The following DLGAP4 variants were observed in gnomAD, a reference collection of about 807,000 sequenced individuals.
DLGAP4 encodes the protein disks large-associated protein 4.
In DLGAP4, 18 loss-of-function variants were observed where a neutral mutation model predicts 86.9. That is an observed-to-expected ratio of 0.21 (90% CI 0.14 to 0.31). The LOEUF is 0.31. Ranked by LOEUF, DLGAP4 falls within the 10% of genes least tolerant of loss-of-function variation. DLGAP4 has a pLI of 1.00. For missense variants in DLGAP4, 1,085 were observed against 1,362.6 expected (o/e 0.80, Z 3.21); for synonymous variants, 548 against 574.3 (o/e 0.95, Z 0.65).
At chr20:36,382,394 G>A (rs540157950) in intron 2 of DLGAP4, among the ~76,000 whole-genome samples, 2 of 151,824 alleles carry the variant, frequency 1.3e-5, no homozygotes, top group African/African-American at 4.8e-5. Flanking sequence ...AGGGGGTGGG[G>A]GTGGAGGGGC....
intron 2 of DLGAP4, among the ~76,000 whole-genome samples, chr20:36,419,317 A>T (rs1451099310): frequency 2.0e-5 from 3 of 151,474 alleles, no homozygotes; most frequent in Non-Finnish European, 4.4e-5. Flanking sequence ...TTTTGTAGAG[A>T]TGGGGTCCTC....
At chr20:36,321,590 C>T (rs534827577) in intron 1 of DLGAP4, among the ~76,000 whole-genome samples, 272 of 152,358 alleles carry the variant, frequency 1.8e-3, no homozygotes, top group African/African-American at 6.3e-3. Context: ...CGCCTCAGCG[C>T]GTTTCATCTG....
intron 7 of DLGAP4, among the ~76,000 whole-genome samples, chr20:36,474,883 T>C (rs974317213): frequency 2.0e-5 from 3 of 152,160 alleles, no homozygotes; most frequent in African/African-American, 4.8e-5. Flanking sequence ...GGGAACAAGA[T>C]TGACTTCCCT....
rs1555889649 is a variant in DLGAP4 at position 36,308,171 on chromosome 20, G to T, written c.-304+1659G>T. On this transcript the variant is annotated intron_variant, in intron 1 of 12. Coordinates refer to ENST00000339266, the MANE Select transcript of DLGAP4 (RefSeq NM_001365621.2). The surrounding 1 kb of genome is among the most constrained non-coding windows in gnomAD (Gnocchi z 4.5). ...CCCGCTGTGGCAGGGGTAGGCCAGG[G>T]ATCCTGTGTCCTCCAGGAGCTGGGA... Among the ~76,000 whole-genome samples, 1 of 152,200 alleles carries T rather than the reference G, an allele frequency of 6.6e-6. No individual in the cohort carries two copies. Among genetic ancestry groups the T allele is most frequent in the Non-Finnish European group, 1.5e-5 (1 of 68,032 alleles).
Position 36,442,711 on chromosome 20 carries a change from C to G in DLGAP4, c.1357-16C>G, listed in dbSNP as rs1309053122. On this transcript the variant is annotated splice_polypyrimidine_tract_variant and intron_variant, in intron 5 of 12. Coordinates refer to ENST00000339266, the MANE Select transcript of DLGAP4 (RefSeq NM_001365621.2). ...GCCCTGGTCCTTCCATAACCCTCAC[C>G]CTCTCTTTCCTGCAGATTTTTGGAC... 6.2e-7 allele frequency: 1 copy of G among 1,614,068 alleles called. No homozygotes were observed. Among genetic ancestry groups the G allele is most frequent in the Non-Finnish European group, 8.5e-7 (1 of 1,180,028 alleles).
intron 7 of DLGAP4, among the ~76,000 whole-genome samples, chr20:36,448,042 C>CA (rs59129162): frequency 6.1e-4 from 85 of 139,146 alleles, no homozygotes; most frequent in Middle Eastern, 7.5e-3. Flanking sequence ...TTAAGATGGT[C>CA]AAAAAAAAAA....
At chr20:36,320,051 C>T in intron 1 of DLGAP4, among the ~76,000 whole-genome samples, 1 of 150,918 alleles carries the variant, frequency 6.6e-6, no homozygotes, top group South Asian at 2.1e-4. Context: ...CCCTCTGTGT[C>T]CCTCTCCTCC....
At chr20:36,491,937 G>A (rs1569517849) in intron 7 of DLGAP4, among the ~76,000 whole-genome samples, 1 of 152,240 alleles carries the variant, frequency 6.6e-6, no homozygotes, top group East Asian at 1.9e-4. Flanking sequence ...CCCCAGGCCT[G>A]TAGCTGTCAG....
chr20:36,461,477 C>G (rs1306862163), intron 7 of DLGAP4: 1 of 981,878 alleles, frequency 1.0e-6, no homozygotes, highest in Non-Finnish European at 1.2e-6. Flanking sequence ...CGTACAAAAC[C>G]GGAGCCTCGG....
At chr20:36,335,649 T>G (rs573908213) in intron 1 of DLGAP4, among the ~76,000 whole-genome samples, 1 of 152,304 alleles carries the variant, frequency 6.6e-6, no homozygotes, top group African/African-American at 2.4e-5. Flanking sequence ...TGCCTTCTCC[T>G]CCCCTTCTTC....
At position 36,432,397 on chromosome 20, in the gene DLGAP4, T is replaced by G. The variant is rs752322368; in HGVS notation, c.680T>G (p.Leu227Arg). The G allele has an allele frequency of 1.2e-6, 2 of 1,613,714 alleles. No individual in the cohort carries two copies. Among genetic ancestry groups the G allele is most frequent in the Non-Finnish European group, 1.7e-6 (2 of 1,180,032 alleles). ...AFRSSGPASG[L>R]MTLGRQAERS... ...CGCAGCAGTGGCCCAGCCTCTGGGC[T>G]GATGACACTAGGCCGCCAGGCAGAA... Residue 227 changes from leucine to arginine, a missense_variant, in exon 3 of 13, where the codon CTG becomes CGG. Leu to Arg is a moderately radical substitution (Grantham distance 102). Around this residue, in one of 2 missense-constraint regions of DLGAP4, gnomAD observed 1,082 missense variants for 1,344.1 expected, o/e 0.81. Coordinates refer to ENST00000339266, the MANE Select transcript of DLGAP4 (RefSeq NM_001365621.2). The surrounding 1 kb of genome is among the most constrained non-coding windows in gnomAD (Gnocchi z 6.5).
chr20:36,501,815 G>A (rs796367707), intron 10 of DLGAP4, among the ~76,000 whole-genome samples: 6 of 152,306 alleles, frequency 3.9e-5, no homozygotes, highest in African/African-American at 1.2e-4. Context: ...CCAGTTCCCC[G>A]CTTTGATGTC....
At chr20:36,473,623 G>A (rs551584769) in intron 7 of DLGAP4, among the ~76,000 whole-genome samples, 1 of 152,272 alleles carries the variant, frequency 6.6e-6, no homozygotes, top group South Asian at 2.1e-4. Flanking sequence ...GACCAAATAT[G>A]ATTTTTTAAA....
rs148100506 is a variant in DLGAP4, at chr20:36,387,967, G to C, written c.-73+20692G>C. Among the ~76,000 whole-genome samples the C allele has an allele frequency of 2.0e-3, 307 of 152,274 alleles. 1 individual carries two copies. Among genetic ancestry groups the C allele is most frequent in the African/African-American group, 6.8e-3 (284 of 41,550 alleles). On this transcript the variant is annotated intron_variant, in intron 2 of 12. Transcript: ENST00000339266. ...CAACAATCCTTCCTTGGGTGGGACT[G>C]TCCTGCTCATTATAAGTTCTTGAGC...
intron 1 of DLGAP4, among the ~76,000 whole-genome samples, chr20:36,315,804 C>T (rs938685963): frequency 7.2e-5 from 11 of 152,136 alleles, no homozygotes; most frequent in African/African-American, 1.2e-4. Context: ...CAAGCCTTCC[C>T]GGCACTGGCA....
chr20:36,472,443 T>A (rs1161739842), intron 7 of DLGAP4, among the ~76,000 whole-genome samples: 1 of 148,602 alleles, frequency 6.7e-6, no homozygotes, highest in Non-Finnish European at 1.5e-5. Flanking sequence ...GTCAAGGCTG[T>A]AGTGAGCTGT....
At chr20:36,395,553 C>G (rs1322325134) in intron 2 of DLGAP4, among the ~76,000 whole-genome samples, 1 of 152,078 alleles carries the variant, frequency 6.6e-6, no homozygotes, top group Non-Finnish European at 1.5e-5. Flanking sequence ...GGCTGGAGTG[C>G]AGTGGCGCAA....
intron 11 of DLGAP4, among the ~76,000 whole-genome samples, chr20:36,525,226 AAAAAAAAAAAAAAAAAAAAAAAAAAAAAC>A (rs1222653592): frequency 1.9e-5 from 1 of 52,298 alleles, no homozygotes; most frequent in Admixed American, 1.8e-4. Flanking sequence ...CAAAAAAAAA[AAAAAAAAAAAAAAAAAAAAAAAAAAAAAC>A]AAAGAAATCC....
intron 7 of DLGAP4, among the ~76,000 whole-genome samples, chr20:36,481,413 G>C (rs902737989): frequency 6.6e-6 from 1 of 152,124 alleles, no homozygotes; most frequent in Admixed American, 6.5e-5. Context: ...GACCATCCTA[G>C]CCTCTCCAAG....
Sources: allele counts gnomAD v4.1 joint callset (sites outside exome capture counted in the v4.1 genomes callset), GRCh38; gene constraint gnomAD v4.1.1; regional missense constraint gnomAD v4.1.1; non-coding constraint Gnocchi (gnomAD v3.1); transcripts MANE v1.5; gene names NCBI Gene and HGNC (gene_info 2026-07-23, HGNC 2026-07-21).